The following TMEM267 variants were observed in gnomAD, a reference collection of about 807,000 sequenced individuals.
TMEM267 encodes transmembrane protein C5orf28.
TMEM267 carries 20 observed loss-of-function variants against 19.3 expected under a neutral mutation model. The observed-to-expected ratio is 1.04, with a 90% CI of 0.73 to 1.51. TMEM267 has a LOEUF of 1.51. TMEM267 is among the 40% of genes most tolerant of loss of function. The probability of loss-of-function intolerance (pLI) is 0.00; values close to 1 mark genes in which losing one functional copy is unlikely to be tolerated. For missense variants in TMEM267, 242 were observed against 261.9 expected (o/e 0.92, Z 0.52); for synonymous variants, 88 against 90.3 (o/e 0.97, Z 0.15).
At chr5:43,471,572 A>G (rs1035941929) in intron 1 of TMEM267, among the ~76,000 whole-genome samples, 6 of 152,150 alleles carry the variant, frequency 3.9e-5, no homozygotes, top group Non-Finnish European at 7.3e-5. Context: ...CCAAAACAGC[A>G]TGGTTCTGAC....
intron 1 of TMEM267, among the ~76,000 whole-genome samples, chr5:43,483,339 C>A (rs1282581956): frequency 6.6e-6 from 1 of 152,172 alleles, no homozygotes; most frequent in Non-Finnish European, 1.5e-5. Flanking sequence ...AATAATTTTT[C>A]AAATGTCATT....
chr5:43,464,443 TG>T, intron 1 of TMEM267, among the ~76,000 whole-genome samples: 1 of 152,302 alleles, frequency 6.6e-6, no homozygotes, highest in East Asian at 1.9e-4. Context: ...TTCACAGAAT[TG>T]GAAAAAACTA....
chr5:43,459,607 G>C (rs1296681500), intron 1 of TMEM267, among the ~76,000 whole-genome samples: 3 of 152,140 alleles, frequency 2.0e-5, no homozygotes, highest in Non-Finnish European at 4.4e-5. Context: ...AGGTAAAAAT[G>C]ATTAATTAGA....
At chr5:43,450,640 T>C (rs1434376463) in intron 2 of TMEM267, among the ~76,000 whole-genome samples, 4 of 152,190 alleles carry the variant, frequency 2.6e-5, no homozygotes, top group African/African-American at 9.6e-5. Context: ...GATTTGACCC[T>C]GGGTCTAACT....
intron 1 of TMEM267, among the ~76,000 whole-genome samples, chr5:43,472,905 C>T (rs547193533): frequency 4.0e-5 from 6 of 151,778 alleles, no homozygotes; most frequent in South Asian, 2.1e-4. Flanking sequence ...TTCAGGAGGC[C>T]GAAGTGGGCG....
intron 1 of TMEM267, among the ~76,000 whole-genome samples, chr5:43,473,325 T>G (rs1343328533): frequency 1.3e-5 from 2 of 152,096 alleles, no homozygotes; most frequent in Non-Finnish European, 2.9e-5. Flanking sequence ...TGTCTCTGTT[T>G]GCAGATGACA....
chr5:43,468,824 C>A (rs977669728), intron 1 of TMEM267, among the ~76,000 whole-genome samples: 7 of 152,092 alleles, frequency 4.6e-5, no homozygotes, highest in African/African-American at 1.7e-4. Flanking sequence ...ATAGACTATA[C>A]AAAACAAGTC....
rs772100712 is a variant in TMEM267 at position 43,453,698 on chromosome 5, T to G, written c.272A>C (p.Asp91Ala). 6.2e-7 allele frequency: 1 copy of G among 1,614,104 alleles called. No homozygotes were observed. Among genetic ancestry groups the G allele is most frequent in the Non-Finnish European group, 8.5e-7 (1 of 1,179,966 alleles). Residue 91 changes from aspartate to alanine, a missense_variant, in exon 2 of 3, where the codon GAT (aspartate) becomes GCT (alanine). Transcript: ENST00000397080. ...TCCAGCTAGAAAAAAGTGGTCTACATCAATAACAGAGGCTAAAAATCCAGC... is the reference window on the plus strand; with the variant it reads ...TCCAGCTAGAAAAAAGTGGTCTACAGCAATAACAGAGGCTAAAAATCCAGC... ...ILAGFLASVI[D>A]VDHFFLAGSM...
At position 43,453,803 on chromosome 5, in the gene TMEM267, A is replaced by G. The variant is rs1226080904; in HGVS notation, c.167T>C (p.Val56Ala). The part of the protein sequence containing the change: ...DWLRALSDNA[V>A]HCVIGMWSWA... ...TGACCACATGCCAATTACACAATGTACTGCATTATCTGAGAGAGCACGAAG... is the reference window on the plus strand; with the variant it reads ...TGACCACATGCCAATTACACAATGTGCTGCATTATCTGAGAGAGCACGAAG... The change falls in exon 2 of 3, where the codon GTA becomes GCA. Residue 56 changes from valine to alanine, a missense_variant. Transcript: ENST00000397080. 8 of 1,614,060 alleles carry G rather than the reference A, an allele frequency of 5.0e-6. No homozygotes were observed. Among genetic ancestry groups the G allele is most frequent in the Non-Finnish European group, 5.9e-6 (7 of 1,180,020 alleles).
At chr5:43,463,533 A>G (rs1205293083) in intron 1 of TMEM267, among the ~76,000 whole-genome samples, 1 of 152,192 alleles carries the variant, frequency 6.6e-6, no homozygotes, top group Non-Finnish European at 1.5e-5. Context: ...TGATACAAAA[A>G]TCCTCAATAA....
intron 1 of TMEM267, among the ~76,000 whole-genome samples, chr5:43,465,966 T>TC (rs1743637579): frequency 1.2e-5 from 1 of 86,910 alleles, no homozygotes; most frequent in Non-Finnish European, 2.1e-5. Flanking sequence ...ATAATAAAAT[T>TC]TAAAAAAAAG....
chr5:43,455,202 T>C (rs1008641545), intron 1 of TMEM267, among the ~76,000 whole-genome samples: 3 of 152,046 alleles, frequency 2.0e-5, no homozygotes, highest in Non-Finnish European at 2.9e-5. Context: ...GGCAGGAGGA[T>C]TGCTTGAGGA....
chr5:43,465,689 C>A (rs868576268), intron 1 of TMEM267, among the ~76,000 whole-genome samples: 1 of 152,042 alleles, frequency 6.6e-6, no homozygotes, highest in Non-Finnish European at 1.5e-5. Flanking sequence ...CCATCGTCAG[C>A]AAACTATCAC....
chr5:43,448,579 C>T (rs976928242), intron 2 of TMEM267, among the ~76,000 whole-genome samples: 19 of 152,100 alleles, frequency 1.2e-4, no homozygotes, highest in African/African-American at 4.6e-4. Flanking sequence ...GAGCTCGAGA[C>T]CAGCCTGACC....
chr5:43,473,056 C>A (rs971723961), intron 1 of TMEM267, among the ~76,000 whole-genome samples: 1 of 143,838 alleles, frequency 7.0e-6, no homozygotes, highest in Non-Finnish European at 1.5e-5. Context: ...GAGAATCACT[C>A]GAACCCAGGA....
chr5:43,455,001 A>G (rs1181928448), intron 1 of TMEM267, among the ~76,000 whole-genome samples: 1 of 152,250 alleles, frequency 6.6e-6, no homozygotes, highest in African/African-American at 2.4e-5. Context: ...TCTATTACAC[A>G]ATAAAAGCTA....
At chr5:43,467,615 G>A (rs965706272) in intron 1 of TMEM267, among the ~76,000 whole-genome samples, 1 of 152,038 alleles carries the variant, frequency 6.6e-6, no homozygotes, top group African/African-American at 2.4e-5. Flanking sequence ...AGAGAGATAG[G>A]CCCCAATATA....
At chr5:43,459,192 A>G (rs1382353961) in intron 1 of TMEM267, among the ~76,000 whole-genome samples, 1 of 152,170 alleles carries the variant, frequency 6.6e-6, no homozygotes, top group African/African-American at 2.4e-5. Context: ...GAAATTATAC[A>G]CCCATGTATG....
rs374076278 is a variant in TMEM267 at position 43,454,208 on chromosome 5, A to AT, written c.-74-166dup. Among the ~76,000 whole-genome samples the AT allele has an allele frequency of 3.9e-3, 515 of 133,630 alleles. 1 individual carries two copies. The highest frequency in any genetic ancestry group is 0.022 in the East Asian group (103 of 4,634). The allele number at this position is 133,630 out of a possible 152,430, so 87.7% of individuals were successfully genotyped here. ...ATGTCACATAGCCCAAGGAGAATAG[A>AT]TTTTTTTTTTTTTTTTTTTTTTAGG... is the stretch of plus-strand genomic sequence containing the variant. On this transcript the variant is annotated intron_variant, in intron 1 of 2. Coordinates refer to ENST00000397080, the MANE Select transcript of TMEM267 (RefSeq NM_022483.5).
Sources: gnomAD v4.1 joint callset for allele counts (sites outside exome capture counted in the v4.1 genomes callset) on GRCh38, gnomAD v4.1.1 for gene constraint, MANE v1.5 for transcripts, NCBI Gene and HGNC (gene_info 2026-07-23, HGNC 2026-07-21) for gene names.